The following EPHB1 variants were observed in gnomAD, a reference collection of about 807,000 sequenced individuals.
EPHB1 encodes the protein ephrin type-B receptor 1.
In EPHB1, 30 loss-of-function variants were observed where a neutral mutation model predicts 94.4. The observed-to-expected ratio is 0.32, with a 90% CI of 0.24 to 0.43. The LOEUF is 0.43. Ranked by LOEUF, EPHB1 falls within the 20% of genes least tolerant of loss-of-function variation. EPHB1 has a pLI of 1.00. For missense variants in EPHB1, 1,055 were observed against 1,308.3 expected (o/e 0.81, Z 2.99); for synonymous variants, 522 against 489.1 (o/e 1.07, Z -0.89).
intron 1 of EPHB1, among the ~76,000 whole-genome samples, chr3:134,836,620 A>G (rs552749828): frequency 2.0e-5 from 3 of 152,256 alleles, no homozygotes; most frequent in South Asian, 4.1e-4. Flanking sequence ...TCACATATTC[A>G]TATATTATGA....
intron 1 of EPHB1, among the ~76,000 whole-genome samples, chr3:134,812,530 T>G (rs1356647161): frequency 1.3e-5 from 2 of 152,244 alleles, no homozygotes; most frequent in East Asian, 3.8e-4. Flanking sequence ...GGACATTTGC[T>G]TATAGTTTTT....
chr3:135,225,400 G>A (rs1943370682), intron 12 of EPHB1, among the ~76,000 whole-genome samples: 1 of 152,168 alleles, frequency 6.6e-6, no homozygotes, highest in Admixed American at 6.5e-5. Flanking sequence ...CCTGACTTGT[G>A]GTTAAGGATT....
At chr3:134,805,354 C>T (rs59885053) in intron 1 of EPHB1, among the ~76,000 whole-genome samples, 23,508 of 152,146 alleles carry the variant, frequency 0.15, 4,754 homozygotes, top group African/African-American at 0.47. Context: ...AAATCCACCG[C>T]ATTTTGGACA....
intron 1 of EPHB1, among the ~76,000 whole-genome samples, chr3:134,889,511 A>G (rs2037925228): frequency 6.6e-6 from 1 of 152,082 alleles, no homozygotes; most frequent in African/African-American, 2.4e-5. Flanking sequence ...TAATGGGGGT[A>G]TTTCTAAACT....
intron 5 of EPHB1, among the ~76,000 whole-genome samples, chr3:135,141,145 CTTTTTTTT>C (rs59743607): frequency 4.6e-5 from 6 of 131,280 alleles, no homozygotes; most frequent in African/African-American, 1.7e-4. Flanking sequence ...CTTTCCTTTC[CTTTTTTTT>C]TTTTTTTTTT....
intron 1 of EPHB1, among the ~76,000 whole-genome samples, chr3:134,924,760 T>G (rs40439): frequency 0.65 from 98,923 of 152,156 alleles, 34,469 homozygotes; most frequent in African/African-American, 0.91. Context: ...ACATGAATAA[T>G]TCTTAATATA....
At chr3:134,928,536 A>G (rs1029931398) in intron 2 of EPHB1, among the ~76,000 whole-genome samples, 11 of 152,320 alleles carry the variant, frequency 7.2e-5, no homozygotes, top group African/African-American at 2.2e-4. Flanking sequence ...TGGGTGGATG[A>G]TGGTGCCATC....
chr3:134,798,096 GC>G (rs1162222342), intron 1 of EPHB1, among the ~76,000 whole-genome samples: 1 of 152,168 alleles, frequency 6.6e-6, no homozygotes, highest in African/African-American at 2.4e-5. Context: ...CCCAAACTCG[GC>G]TGTGGTCAGG....
At chr3:135,183,227 C>G (rs1375616222) in intron 10 of EPHB1, among the ~76,000 whole-genome samples, 1 of 139,316 alleles carries the variant, frequency 7.2e-6, no homozygotes, top group African/African-American at 2.7e-5. Context: ...TCCCTCCCTC[C>G]CTTCCTCCCT....
chr3:135,214,633 A>G (rs896765551), intron 12 of EPHB1, among the ~76,000 whole-genome samples: 1 of 152,024 alleles, frequency 6.6e-6, no homozygotes, highest in African/African-American at 2.4e-5. Context: ...CCAACCCCAC[A>G]CACACCCATT....
At chr3:134,821,440 TA>T (rs11449440) in intron 1 of EPHB1, among the ~76,000 whole-genome samples, 6,988 of 141,770 alleles carry the variant, frequency 0.049, 463 homozygotes, top group African/African-American at 0.16. Flanking sequence ...AGTAAAATGG[TA>T]AAAAAAAAAA....
intron 3 of EPHB1, among the ~76,000 whole-genome samples, chr3:135,006,290 A>C (rs1249235971): frequency 6.6e-6 from 1 of 152,238 alleles, no homozygotes; most frequent in East Asian, 1.9e-4. Context: ...GCAAATTCAT[A>C]GAGACAGAAA....
Position 134,854,584 on chromosome 3 carries a change from T to TG in EPHB1, c.58+58898dup, listed in dbSNP as rs145033632. On this transcript the variant is annotated intron_variant, in intron 1 of 15. Coordinates refer to ENST00000398015, the MANE Select transcript of EPHB1 (RefSeq NM_004441.5). ...AGAGTGTCCTCTCCATGGGGCCCCA[T>TG]GGGAAGCGTTTGCCTCATGCTTCCA... Among the ~76,000 whole-genome samples the TG allele has an allele frequency of 2.4e-3, 359 of 152,228 alleles. 1 individual carries two copies. In the East Asian group the frequency reaches 0.033, roughly 14 times the overall value.
chr3:134,966,507 G>A (rs1933752748), intron 3 of EPHB1, among the ~76,000 whole-genome samples: 1 of 152,116 alleles, frequency 6.6e-6, no homozygotes, highest in Non-Finnish European at 1.5e-5. Context: ...TCACTCAATA[G>A]CCCAGTAAAC....
chr3:134,939,170 G>T (rs1372049972), intron 2 of EPHB1, among the ~76,000 whole-genome samples: 1 of 152,148 alleles, frequency 6.6e-6, no homozygotes, highest in African/African-American at 2.4e-5. Context: ...TGATATTCCA[G>T]TTATGTCCCT....
chr3:135,204,538 T>A (rs147624766), intron 12 of EPHB1, among the ~76,000 whole-genome samples: 1 of 152,172 alleles, frequency 6.6e-6, no homozygotes, highest in East Asian at 1.9e-4. Flanking sequence ...AGAGTCTTTG[T>A]CACACAGGCT....
intron 3 of EPHB1, among the ~76,000 whole-genome samples, chr3:135,021,813 C>T (rs1935996537): frequency 1.3e-5 from 2 of 152,034 alleles, no homozygotes; most frequent in South Asian, 4.1e-4. Context: ...AAGAAAATAA[C>T]ACATATTAAC....
At chr3:135,016,588 G>A (rs1935801936) in intron 3 of EPHB1, among the ~76,000 whole-genome samples, 1 of 152,116 alleles carries the variant, frequency 6.6e-6, no homozygotes, top group Non-Finnish European at 1.5e-5. Context: ...AGGGGCTGAG[G>A]GCAAGAAATG....
rs887296976 is a variant in EPHB1 at position 135,259,820 on chromosome 3, A to G, written c.*700A>G. ...GAAACCACAAATTGGGGAAAAAAAAAGAAGAAAAACCTGTTTCCGTGTGCA... is the reference window on the plus strand; with the variant it reads ...GAAACCACAAATTGGGGAAAAAAAAGGAAGAAAAACCTGTTTCCGTGTGCA... On this transcript the variant is annotated 3_prime_UTR_variant, in exon 16 of 16. Transcript: ENST00000398015. The G allele has an allele frequency of 9.1e-6, 2 of 220,392 alleles. No homozygotes were observed. Among genetic ancestry groups the G allele is most frequent in the African/African-American group, 4.5e-5 (2 of 44,572 alleles). The allele number at this position is 220,392 out of a possible 1,614,324, so 13.7% of individuals were successfully genotyped here. A position where few individuals can be genotyped will look rare whatever the true frequency, so the allele number is the denominator to read the frequency against.
Sources: allele counts gnomAD v4.1 joint callset (sites outside exome capture counted in the v4.1 genomes callset), GRCh38; gene constraint gnomAD v4.1.1; transcripts MANE v1.5; gene names NCBI Gene and HGNC (gene_info 2026-07-23, HGNC 2026-07-21).